The following KLHL4 variants were observed in gnomAD, a reference collection of about 807,000 sequenced individuals.
KLHL4 encodes kelch like family member 4, also known as kelch-like protein 4.
KLHL4 carries 17 observed loss-of-function variants against 45.8 expected under a neutral mutation model. That is an observed-to-expected ratio of 0.37 (90% CI 0.25 to 0.56). The LOEUF is 0.56. Ranked by LOEUF, KLHL4 falls within the 20% of genes least tolerant of loss-of-function variation. KLHL4 has a pLI of 0.79. For synonymous variants in KLHL4, 224 were observed against 189.9 expected, an observed-to-expected ratio of 1.18 and a Z score of -1.47; for missense variants, 544 against 544.9, an observed-to-expected ratio of 1.00 and a Z score of 0.02.
chrX:87,646,924 C>A, intron 9 of KLHL4, among the ~76,000 whole-genome samples: 1 of 111,324 alleles, frequency 9.0e-6, no homozygotes, highest in East Asian at 2.8e-4. Flanking sequence ...AGCTTCTGCA[C>A]AGCAGAAGAA....
intron 1 of KLHL4, among the ~76,000 whole-genome samples, chrX:87,541,686 T>C (rs962439281): frequency 3.6e-5 from 4 of 110,664 alleles, no homozygotes; most frequent in African/African-American, 1.3e-4. Context: ...TCTCTGATAG[T>C]ATGTTTATAG....
intron 1 of KLHL4, among the ~76,000 whole-genome samples, chrX:87,562,641 C>G (rs1407698166): frequency 3.6e-5 from 4 of 110,894 alleles, no homozygotes; most frequent in African/African-American, 1.3e-4. Flanking sequence ...ATTCCATGCC[C>G]CAGCTCCCAC....
At chrX:87,605,248 TA>T (rs1922154524) in intron 1 of KLHL4, among the ~76,000 whole-genome samples, 1 of 111,592 alleles carries the variant, frequency 9.0e-6, no homozygotes, top group Non-Finnish European at 1.9e-5. Flanking sequence ...CTATTCAAGA[TA>T]TTTTGTGGTT....
chrX:87,660,799 G>A (rs1569364745), intron 9 of KLHL4, among the ~76,000 whole-genome samples: 1 of 112,756 alleles, frequency 8.9e-6, no homozygotes, highest in Non-Finnish European at 1.9e-5. Flanking sequence ...AGCTGAGATC[G>A]TGCAACTGCA....
At chrX:87,541,490 C>A (rs1488003107) in intron 1 of KLHL4, among the ~76,000 whole-genome samples, 2 of 63,902 alleles carry the variant, frequency 3.1e-5, no homozygotes, top group African/African-American at 6.4e-5. Context: ...GACTCCATCT[C>A]ACAAAAAAAA....
At chrX:87,661,203 T>C (rs1406000431) in intron 9 of KLHL4, among the ~76,000 whole-genome samples, 1 of 111,955 alleles carries the variant, frequency 8.9e-6, no homozygotes, top group African/African-American at 3.2e-5. Flanking sequence ...TAGTTTGTGC[T>C]TTCTTGTTTC....
intron 1 of KLHL4, among the ~76,000 whole-genome samples, chrX:87,541,499 A>G (rs1174133317): frequency 1.9e-5 from 2 of 105,073 alleles, no homozygotes; most frequent in Non-Finnish European, 3.9e-5. Flanking sequence ...TCACAAAAAA[A>G]AAAAAAAAAA....
In KLHL4 at chrX:87,613,638, T is replaced by A. The variant is rs756256887; in HGVS notation, c.423-239T>A. On this transcript the variant is annotated intron_variant, in intron 1 of 10. Coordinates refer to ENST00000373119, the MANE Select transcript of KLHL4 (RefSeq NM_019117.5). ...TTGGTGAATTGTACATAGTTCTGGTTACATTTCAGATATAAATAATAACCA... is the reference window on the plus strand; with the variant it reads ...TTGGTGAATTGTACATAGTTCTGGTAACATTTCAGATATAAATAATAACCA... Among the ~76,000 whole-genome samples the A allele has an allele frequency of 9.8e-5, 11 of 111,911 alleles. No individual in the cohort carries two copies. In the East Asian group the frequency reaches 2.5e-3, roughly 26 times the overall value.
intron 8 of KLHL4, 84 bp downstream of exon 8, chrX:87,633,995 G>A (rs1893250995): frequency 8.9e-6 from 7 of 783,855 alleles, no homozygotes; most frequent in Non-Finnish European, 1.3e-5. Flanking sequence ...CAATCAATTA[G>A]CATTCCAAAT....
chrX:87,621,946 ACT>A (rs897646189), intron 4 of KLHL4, among the ~76,000 whole-genome samples: 4 of 111,372 alleles, frequency 3.6e-5, no homozygotes, highest in African/African-American at 9.8e-5. Flanking sequence ...TGGCTCCAAC[ACT>A]CTGCCTATGT....
At chrX:87,541,490 CACAAAAAAAAAAAAA>C (rs1931558257) in intron 1 of KLHL4, among the ~76,000 whole-genome samples, 1 of 63,926 alleles carries the variant, frequency 1.6e-5, no homozygotes, top group East Asian at 5.2e-4. Flanking sequence ...GACTCCATCT[CACAAAAAAAAAAAAA>C]AAAAAAAAAG....
chrX:87,562,178 C>T (rs1932113375), intron 1 of KLHL4, among the ~76,000 whole-genome samples: 1 of 109,142 alleles, frequency 9.2e-6, no homozygotes, highest in Non-Finnish European at 1.9e-5. Context: ...ACAGTGTGAC[C>T]CAGCACATTC....
In KLHL4 at chrX:87,668,529, T is replaced by G. The variant is rs1924453077; in HGVS notation, c.*1995T>G. The G allele has an allele frequency of 1.4e-6, 1 of 726,108 alleles. No individual in the cohort carries two copies. The highest frequency in any genetic ancestry group is 2.3e-5 in the African/African-American group (1 of 42,671). The allele number at this position is 726,108 out of a possible 1,213,427, so 59.8% of individuals were successfully genotyped here. On this transcript the variant is annotated 3_prime_UTR_variant, in exon 11 of 11. Coordinates refer to ENST00000373119, the MANE Select transcript of KLHL4 (RefSeq NM_019117.5). ...CACTATGGCTGCTGTGGTTTGAATA[T>G]TTTTTTCCCTCGAAAACTCATGTTG...
chrX:87,533,796 A>G (rs1931366713), intron 1 of KLHL4, among the ~76,000 whole-genome samples: 1 of 111,632 alleles, frequency 9.0e-6, no homozygotes, highest in Admixed American at 9.6e-5. Flanking sequence ...TTAGTAATGA[A>G]CTTGCTTATT....
chrX:87,640,667 A>G (rs1923425231), intron 9 of KLHL4, among the ~76,000 whole-genome samples: 1 of 111,473 alleles, frequency 9.0e-6, no homozygotes, highest in Non-Finnish European at 1.9e-5. Context: ...CCTCAGCAAA[A>G]TCAGCATAGA....
intron 1 of KLHL4, among the ~76,000 whole-genome samples, chrX:87,535,476 G>A (rs1026610747): frequency 1.7e-4 from 19 of 111,794 alleles, no homozygotes; most frequent in African/African-American, 6.2e-4. Flanking sequence ...ACAAACCTTA[G>A]TATCCTAAAA....
At chrX:87,585,876 G>A (rs1439681852) in intron 1 of KLHL4, among the ~76,000 whole-genome samples, 1 of 110,784 alleles carries the variant, frequency 9.0e-6, no homozygotes, top group Non-Finnish European at 1.9e-5. Context: ...TTGCCTATGA[G>A]TAACAAGTTT....
chrX:87,593,224 A>G (rs1175958008), intron 1 of KLHL4, among the ~76,000 whole-genome samples: 1 of 111,061 alleles, frequency 9.0e-6, no homozygotes, highest in African/African-American at 3.3e-5. Flanking sequence ...TTGTATGTGT[A>G]GATTCAGATC....
chrX:87,520,401 A>G (rs927816092), intron 1 of KLHL4, among the ~76,000 whole-genome samples: 6 of 112,632 alleles, frequency 5.3e-5, no homozygotes, highest in African/African-American at 3.2e-5. Flanking sequence ...AAGATGAGCT[A>G]TGACGCTCAG....
Sources: gnomAD v4.1 joint callset for allele counts (sites outside exome capture counted in the v4.1 genomes callset) on GRCh38, gnomAD v4.1.1 for gene constraint, MANE v1.5 for transcripts, NCBI Gene and HGNC (gene_info 2026-07-23, HGNC 2026-07-21) for gene names.